Variants in ABCB1 observed in about 807,000 individuals in gnomAD.
ABCB1 encodes ATP-dependent translocase ABCB1.
Under a neutral mutation model 142.0 loss-of-function variants are expected in ABCB1, and 69 were observed. That is an observed-to-expected ratio of 0.49 (90% CI 0.40 to 0.59). The LOEUF is 0.59. Ranked by LOEUF, ABCB1 falls within the 20% of genes least tolerant of loss-of-function variation. ABCB1 has a pLI of 0.00. For missense variants in ABCB1, 1,326 were observed against 1,554.7 expected (o/e 0.85, Z 2.47); for synonymous variants, 532 against 539.2 (o/e 0.99, Z 0.18).
At chr7:87,528,113 C>T (rs538790645) in intron 21 of ABCB1, among the ~76,000 whole-genome samples, 83 of 152,220 alleles carry the variant, frequency 5.5e-4, no homozygotes, top group African/African-American at 1.9e-3. Flanking sequence ...TGGGAAAAAC[C>T]CACTCCCAGG....
intron 1 of ABCB1, among the ~76,000 whole-genome samples, chr7:87,707,692 TAAATA>T (rs899256475): frequency 3.8e-4 from 58 of 151,640 alleles, no homozygotes; most frequent in African/African-American, 9.2e-4. Flanking sequence ...ATAAAATAAA[TAAATA>T]AAATAAAATA....
chr7:87,585,493 G>C lies in ABCB1; in HGVS notation c.286+19C>G. 6.2e-7 allele frequency: 1 copy of C among 1,611,962 alleles called. No homozygotes were observed. The highest frequency in any genetic ancestry group is 8.5e-7 in the Non-Finnish European group (1 of 1,179,184). Reference sequence around the variant, plus strand: ...TTGCTGCAAGTTTCCAATAAAATTGGTACACAAACAATACTTACTTCTATT... The same window carrying C: ...TTGCTGCAAGTTTCCAATAAAATTGCTACACAAACAATACTTACTTCTATT... On this transcript the variant is annotated intron_variant, in intron 4 of 27. Coordinates refer to ENST00000622132, the MANE Select transcript of ABCB1 (RefSeq NM_001348946.2).
intron 4 of ABCB1, among the ~76,000 whole-genome samples, chr7:87,576,956 A>ATTG (rs1563060084): frequency 6.6e-6 from 1 of 152,096 alleles, no homozygotes; most frequent in Admixed American, 6.6e-5. Flanking sequence ...TGTGCAATAA[A>ATTG]TTGTTGTTGA....
chr7:87,703,580 A>G (rs1488413476), intron 1 of ABCB1, among the ~76,000 whole-genome samples: 1 of 151,802 alleles, frequency 6.6e-6, no homozygotes, highest in Admixed American at 6.6e-5. Flanking sequence ...ATATCTTTCA[A>G]CTCTCTCAGG....
intron 7 of ABCB1, among the ~76,000 whole-genome samples, chr7:87,564,498 A>G (rs1455650543): frequency 1.3e-5 from 2 of 152,168 alleles, no homozygotes; most frequent in African/African-American, 4.8e-5. Flanking sequence ...TTGGGCACAA[A>G]GTACAAAAGA....
intron 1 of ABCB1, among the ~76,000 whole-genome samples, chr7:87,673,995 C>A (rs1826076079): frequency 6.6e-6 from 1 of 152,204 alleles, no homozygotes. Context: ...GCTCAGCACT[C>A]CTCGGCTGTG....
intron 9 of ABCB1, among the ~76,000 whole-genome samples, chr7:87,552,251 T>C (rs961513051): frequency 6.6e-6 from 1 of 152,216 alleles, no homozygotes; most frequent in East Asian, 1.9e-4. Flanking sequence ...AGAATTAATG[T>C]CATTATTCAT....
chr7:87,636,574 C>T lies in ABCB1; in HGVS notation c.-330-35496G>A, dbSNP rs576727298. Among the ~76,000 whole-genome samples, 10 of 152,252 alleles carry T rather than the reference C, an allele frequency of 6.6e-5. No homozygotes were observed. The South Asian group carries it at 1.7e-3, about 25-fold the overall frequency. On this transcript the variant is annotated intron_variant, in intron 1 of 28. Coordinates refer to the ABCB1 transcript ENST00000265724. ...AGAAATTTCTGATTGTAAAATGGCC[C>T]ATAAATTTCCTTCATGGTTAATGCT...
At chr7:87,523,570 C>T (rs70953647) in intron 21 of ABCB1, among the ~76,000 whole-genome samples, 1,684 of 152,216 alleles carry the variant, frequency 0.011, 15 homozygotes, top group South Asian at 0.02. Flanking sequence ...TGCAGTGAGT[C>T]AAGATGGCGT....
At chr7:87,712,912 T>C (rs2130750384) in intron 1 of ABCB1, among the ~76,000 whole-genome samples, 1 of 152,256 alleles carries the variant, frequency 6.6e-6, no homozygotes, top group East Asian at 1.9e-4. Flanking sequence ...TATAATGGCT[T>C]TGGAACTCTT....
Position 87,550,068 on chromosome 7 carries a change from T to C in ABCB1, c.1351-14A>G, listed in dbSNP as rs777618729. On this transcript the variant is annotated splice_polypyrimidine_tract_variant and intron_variant, in intron 12 of 27. Transcript: ENST00000622132. ...ATCAACACTGACCTGGAATAAAAAGTAAGTGTGACTTTCATACATTTGTAA... is the reference window on the plus strand; with the variant it reads ...ATCAACACTGACCTGGAATAAAAAGCAAGTGTGACTTTCATACATTTGTAA... 2 of 1,613,986 alleles carry C rather than the reference T, an allele frequency of 1.2e-6. No homozygotes were observed. Among genetic ancestry groups the C allele is most frequent in the African/African-American group, 2.7e-5 (2 of 74,924 alleles).
At chr7:87,694,725 C>G (rs1828342078) in intron 1 of ABCB1, among the ~76,000 whole-genome samples, 1 of 152,044 alleles carries the variant, frequency 6.6e-6, no homozygotes, top group Non-Finnish European at 1.5e-5. Flanking sequence ...TCCACCAGTA[C>G]TTTAAGCCTT....
chr7:87,571,236 C>T (rs1374918215), intron 4 of ABCB1, among the ~76,000 whole-genome samples: 1 of 152,098 alleles, frequency 6.6e-6, no homozygotes, highest in Admixed American at 6.6e-5. Context: ...AATGGGTAAG[C>T]CTGTTTTTGA....
In ABCB1 at chr7:87,585,620, T is replaced by C; in HGVS notation, c.178A>G (p.Ile60Val). 1.2e-6 allele frequency: 2 copies of C among 1,614,058 alleles called. No homozygotes were observed. Among genetic ancestry groups the C allele is most frequent in the South Asian group, 2.2e-5 (2 of 91,078 alleles). The stretch of plus-strand genomic sequence containing the variant: ...ATGAGAGGAAGTCCAGCCCCATGGA[T>C]GATGGCAGCCAAAGTTCCCACCACC... ...YMVVGTLAAI[I>V]HGAGLPLMML... The change falls in exon 4 of 28, where the codon ATC (isoleucine) becomes GTC (valine). Residue 60 changes from isoleucine to valine, a missense_variant. Transcript: ENST00000622132.
chr7:87,653,815 C>T (rs969949513), intron 1 of ABCB1, among the ~76,000 whole-genome samples: 2 of 151,810 alleles, frequency 1.3e-5, no homozygotes, highest in Admixed American at 6.6e-5. Flanking sequence ...TCTGGCTTAC[C>T]ACTGATTTGT....
rs138314958 is a variant in ABCB1, at chr7:87,540,896, T to C, written c.2319+461A>G. Reference sequence around the variant, plus strand: ...TTCTTCCATCACTGAAATGATTCTTTCTCCTTGAACAAAAGTTGAACGATA... The same window carrying C: ...TTCTTCCATCACTGAAATGATTCTTCCTCCTTGAACAAAAGTTGAACGATA... On this transcript the variant is annotated intron_variant, in intron 18 of 27. Coordinates refer to ENST00000622132, the MANE Select transcript of ABCB1 (RefSeq NM_001348946.2). Among the ~76,000 whole-genome samples the C allele has an allele frequency of 3.9e-3, 600 of 152,346 alleles. 1 individual carries two copies. Among genetic ancestry groups the C allele is most frequent in the Non-Finnish European group, 6.7e-3 (459 of 68,030 alleles).
intron 16 of ABCB1, 87 bp from the exon 17 acceptor site, chr7:87,544,362 A>C: frequency 1.5e-6 from 2 of 1,306,266 alleles, no homozygotes; most frequent in Non-Finnish European, 2.2e-6. Flanking sequence ...GTAAAGGAAT[A>C]TATCCTATCC....
intron 13 of ABCB1, 120 bp from the exon 14 acceptor site, chr7:87,549,638 T>C: frequency 1.3e-6 from 2 of 1,497,232 alleles, no homozygotes; most frequent in South Asian, 1.2e-5. Context: ...TCCAGTTCTT[T>C]AAATCTTATT....
chr7:87,654,392 TAATAG>T (rs532917578), intron 1 of ABCB1, among the ~76,000 whole-genome samples: 62 of 152,056 alleles, frequency 4.1e-4, no homozygotes, highest in Non-Finnish European at 7.1e-4. Context: ...ACAAATAAAC[TAATAG>T]AATAGAATAG....
Sources: gnomAD v4.1 joint callset for allele counts (sites outside exome capture counted in the v4.1 genomes callset) on GRCh38, gnomAD v4.1.1 for gene constraint, MANE v1.5 for transcripts, NCBI Gene and HGNC (gene_info 2026-07-23, HGNC 2026-07-21) for gene names.